Variants in MYH10 observed in about 807,000 individuals in gnomAD.
MYH10 encodes myosin-10.
In MYH10, 55 loss-of-function variants were observed where a neutral mutation model predicts 257.8. The observed-to-expected ratio is 0.21, with a 90% confidence interval of 0.17 to 0.27. The LOEUF (loss-of-function observed/expected upper bound fraction) is 0.27, where lower values mean the gene tolerates loss of function less well. Among genes scored for constraint, MYH10 ranks in the 10% least tolerant of loss-of-function variants. The pLI is 1.00. For synonymous variants in MYH10, 854 were observed against 921.7 expected (o/e 0.93, Z 1.33); for missense variants, 1,631 against 2,500.6 (o/e 0.65, Z 7.42).
At position 8,475,522 on chromosome 17, in the gene MYH10, C is replaced by T; in HGVS notation, c.*282G>A. 1 of 334,112 alleles carries T rather than the reference C, an allele frequency of 3.0e-6. No homozygotes were observed. The highest frequency in any genetic ancestry group is 5.5e-6 in the Non-Finnish European group (1 of 182,988). 20.7% of individuals were successfully genotyped at this position (334,112 alleles called of 1,614,324 possible). On this transcript the variant is annotated 3_prime_UTR_variant, in exon 43 of 43. Transcript: ENST00000360416. ...GGAGTTTGTTTTAAAAAGGGTCTTA[C>T]CATGTTTTATAAAATGGTCTCTTGA...
At chr17:8,608,782 C>A (rs928783249) in intron 2 of MYH10, among the ~76,000 whole-genome samples, 3 of 152,168 alleles carry the variant, frequency 2.0e-5, no homozygotes, top group Non-Finnish European at 4.4e-5. Context: ...GCCTGGAATG[C>A]CCATCTTCCT....
chr17:8,534,689 C>T (rs1567861022), intron 16 of MYH10, among the ~76,000 whole-genome samples: 2 of 152,194 alleles, frequency 1.3e-5, no homozygotes, highest in Admixed American at 6.5e-5. Flanking sequence ...GGGTTAGATC[C>T]AGGGCTAAGG....
chr17:8,504,611 T>G lies in MYH10; in HGVS notation c.3599+83A>C, dbSNP rs1016563766. 2.5e-6 allele frequency: 3 copies of G among 1,220,838 alleles called. No homozygotes were observed. Among genetic ancestry groups the G allele is most frequent in the Non-Finnish European group, 3.5e-6 (3 of 853,722 alleles). 75.6% of individuals were successfully genotyped at this position (1,220,838 alleles called of 1,614,324 possible). ...GGAAAAGCACACCACCTCCCAAAGATAGCAAGCACACCAGGCATTTCTGCA... is the reference window on the plus strand; with the variant it reads ...GGAAAAGCACACCACCTCCCAAAGAGAGCAAGCACACCAGGCATTTCTGCA... On this transcript the variant is annotated intron_variant, in intron 28 of 42. Transcript: ENST00000360416. The surrounding 1 kb of genome is among the most constrained non-coding windows in gnomAD (Gnocchi z 5.6).
intron 13 of MYH10, among the ~76,000 whole-genome samples, chr17:8,542,655 CA>C: frequency 6.6e-6 from 1 of 152,222 alleles, no homozygotes; most frequent in African/African-American, 2.4e-5. Context: ...AGAAGAAAAA[CA>C]AAGGCTTGGA....
intron 13 of MYH10, among the ~76,000 whole-genome samples, chr17:8,544,311 C>T (rs774452721): frequency 2.6e-5 from 4 of 152,176 alleles, no homozygotes; most frequent in Non-Finnish European, 5.9e-5. Flanking sequence ...TGCAGCAGCA[C>T]TGTAAAGTTG....
intron 11 of MYH10, among the ~76,000 whole-genome samples, chr17:8,547,813 ATTTAATAATAT>A (rs2082494019): frequency 6.8e-6 from 1 of 147,250 alleles, no homozygotes; most frequent in African/African-American, 2.5e-5. Context: ...TTAAATATAT[ATTTAATAATAT>A]ATTATATATA....
At chr17:8,592,967 A>ATATATATATATATATATATATG (rs1567953227) in intron 3 of MYH10, among the ~76,000 whole-genome samples, 2 of 127,262 alleles carry the variant, frequency 1.6e-5, no homozygotes, top group Non-Finnish European at 3.4e-5. Context: ...ATATATATAT[A>ATATATATATATATATATATATG]TATAAAAGAT....
Position 8,545,453 on chromosome 17 carries a change from A to C in MYH10, c.1426T>G (p.Phe476Val). The C allele has an allele frequency of 6.2e-7, 1 of 1,612,646 alleles. No individual in the cohort carries two copies. The highest frequency in any genetic ancestry group is 8.5e-7 in the Non-Finnish European group (1 of 1,179,680). ...AGGAAGAGGGGGAAGAATACCTCAA[A>C]AATTTCAAATCCAGCAATATCCAGG... ...GILDIAGFEI[F>V]ELNSFEQLCI... is the part of the protein sequence containing the mutation. The change falls in exon 13 of 43, where the codon TTT becomes GTT. Residue 476 changes from phenylalanine (F) to valine (V), a missense_variant. By Grantham distance (50) the Phe-to-Val change is conservative. Transcript: ENST00000360416. This position sits in a 1 kb window ranked among gnomAD's most constrained non-coding sequence, Gnocchi z 4.7.
At chr17:8,561,585 G>A in intron 7 of MYH10, 1 of 787,038 alleles carries the variant, frequency 1.3e-6, no homozygotes, top group Non-Finnish European at 2.3e-6. Flanking sequence ...AAGGAGCTGA[G>A]TTCTTAAAGA....
rs1332956839 is a variant in MYH10 at position 8,520,886 on chromosome 17, G to A, written c.2265C>T (p.Phe755=). 6.2e-7 allele frequency: 1 copy of A among 1,609,892 alleles called. No homozygotes were observed. Among genetic ancestry groups the A allele is most frequent in the Non-Finnish European group, 8.5e-7 (1 of 1,178,382 alleles). The change falls in exon 19 of 43, where the codon TTC becomes TTT. Residue 755 remains phenylalanine (F), a synonymous_variant. Transcript: ENST00000360416. ...GFPNRIVFQE[F]RQRYEILTPN... The stretch of plus-strand genomic sequence containing the variant: ...GTAAAAGTTAGCAATACCTCTGTCT[G>A]AATTCCTGGAAAACTATTCGGTTAG...
chr17:8,508,598 G>A lies in MYH10; in HGVS notation c.3170C>T (p.Ala1057Val), dbSNP rs752985391. 2 of 1,613,778 alleles carry A rather than the reference G, an allele frequency of 1.2e-6. No individual in the cohort carries two copies. Among genetic ancestry groups the A allele is most frequent in the Admixed American group, 3.3e-5 (2 of 59,986 alleles). Reference sequence around the variant, plus strand: ...CACTTCTTGCTTATTCCTGATTTTGGCCAAGTTTTTCGCCTTTTCTTCCTC... The same window carrying A: ...CACTTCTTGCTTATTCCTGATTTTGACCAAGTTTTTCGCCTTTTCTTCCTC... Reference protein sequence around the residue: ...AEEEEKAKNLAKIRNKQEVMI... With the variant: ...AEEEEKAKNLVKIRNKQEVMI... Residue 1057 changes from alanine (A) to valine (V), a missense_variant, in exon 26 of 43, where the codon GCC becomes GTC. Transcript: ENST00000360416.
rs1351885004 is a variant in MYH10 at position 8,521,191 on chromosome 17, A to G, written c.2052T>C (p.Val684=). 2 of 1,614,120 alleles carry G rather than the reference A, an allele frequency of 1.2e-6. No individual in the cohort carries two copies. The highest frequency in any genetic ancestry group is 1.7e-6 in the Non-Finnish European group (2 of 1,180,042). The change falls in exon 18 of 43, where the codon GTT becomes GTC. Residue 684 remains valine, a synonymous_variant. Coordinates refer to ENST00000360416, the MANE Select transcript of MYH10 (RefSeq NM_001256012.3). ...YKTKKGMFRT[V]GQLYKESLTK... ...TGAGAGATTCTTTGTAGAGTTGCCC[A>G]ACGGTACGAAACATGCCCTTCTTGG...
At chr17:8,497,376 T>C (rs1188264191) in intron 30 of MYH10, among the ~76,000 whole-genome samples, 6 of 152,204 alleles carry the variant, frequency 3.9e-5, no homozygotes, top group Non-Finnish European at 8.8e-5. Flanking sequence ...ATTAAAGTTA[T>C]TTCCAACCAC....
chr17:8,485,565 TAA>T (rs1914624219), intron 36 of MYH10, among the ~76,000 whole-genome samples: 1 of 151,548 alleles, frequency 6.6e-6, no homozygotes, highest in South Asian at 2.1e-4. Flanking sequence ...ACTCAATAAT[TAA>T]AAGAGAGCTC....
At chr17:8,503,407 C>T (rs1195087516) in intron 28 of MYH10, among the ~76,000 whole-genome samples, 1 of 152,218 alleles carries the variant, frequency 6.6e-6, no homozygotes, top group Non-Finnish European at 1.5e-5. Context: ...AACCAACCAA[C>T]CTCTGTCCGG....
At chr17:8,629,884 C>G (rs923598580) in intron 1 of MYH10, among the ~76,000 whole-genome samples, 1 of 151,822 alleles carries the variant, frequency 6.6e-6, no homozygotes, top group Admixed American at 6.6e-5. Flanking sequence ...CTCCCGCGCT[C>G]CTTCCCCGGC....
chr17:8,492,384 C>T lies in MYH10; in HGVS notation c.4584G>A (p.Glu1528=). 5.0e-6 allele frequency: 8 copies of T among 1,613,792 alleles called. No individual in the cohort carries two copies. The highest frequency in any genetic ancestry group is 6.8e-6 in the Non-Finnish European group (8 of 1,180,034). ...SLARALEEAL[E]AKEEFERQNK... ...TCTGCCTCTCAAACTCCTCCTTGGCCTCCAGGGCTTCCTCGAGGGCCCGGG... is the reference window on the plus strand; with the variant it reads ...TCTGCCTCTCAAACTCCTCCTTGGCTTCCAGGGCTTCCTCGAGGGCCCGGG... The change falls in exon 34 of 43, where the codon GAG becomes GAA. Residue 1528 remains glutamate (E), a synonymous_variant. Coordinates refer to ENST00000360416, the MANE Select transcript of MYH10 (RefSeq NM_001256012.3).
intron 21 of MYH10, among the ~76,000 whole-genome samples, chr17:8,514,175 A>G (rs2081387948): frequency 6.6e-6 from 1 of 152,184 alleles, no homozygotes; most frequent in African/African-American, 2.4e-5. Flanking sequence ...CCACTCAGCC[A>G]TATACCCACA....
At chr17:8,526,232 C>T (rs372200022) in intron 17 of MYH10, among the ~76,000 whole-genome samples, 4 of 152,044 alleles carry the variant, frequency 2.6e-5, no homozygotes, top group African/African-American at 4.8e-5. Context: ...AATCAAGACC[C>T]GAAAAAACTC....
Sources: gnomAD v4.1 joint callset for allele counts (sites outside exome capture counted in the v4.1 genomes callset) on GRCh38, gnomAD v4.1.1 for gene constraint, Gnocchi (gnomAD v3.1) non-coding constraint, MANE v1.5 for transcripts, NCBI Gene and HGNC (gene_info 2026-07-23, HGNC 2026-07-21) for gene names.